The following SNX24 variants were observed in gnomAD, a reference collection of about 807,000 sequenced individuals.
SNX24 encodes sorting nexin 24.
SNX24 carries 22 observed loss-of-function variants against 28.7 expected under a neutral mutation model. The observed-to-expected ratio is 0.77, with a 90% CI of 0.55 to 1.10. The LOEUF (loss-of-function observed/expected upper bound fraction) is 1.10, where lower values mean the gene tolerates loss of function less well. Among genes scored for constraint, SNX24 ranks in the 50% least tolerant of loss-of-function variants. The pLI, the probability that SNX24 is intolerant of heterozygous loss-of-function variation, is 0.00. For missense variants in SNX24, 221 were observed against 201.1 expected (o/e 1.10, Z -0.60); for synonymous variants, 69 against 71.5 (o/e 0.96, Z 0.18).
At chr5:123,010,701 C>T (rs916446625), downstream of SNX24, among the ~76,000 whole-genome samples, 4 of 152,160 alleles carry the variant, frequency 2.6e-5, no homozygotes, top group African/African-American at 9.7e-5. Context: ...TCCCGTTCCA[C>T]AGAAGGGAGT....
At chr5:122,849,802 A>G (rs1754811989) in intron 1 of SNX24, among the ~76,000 whole-genome samples, 2 of 152,326 alleles carry the variant, frequency 1.3e-5, no homozygotes, top group East Asian at 1.9e-4. Context: ...GGTAGTGTCC[A>G]TCTCCACTGT....
At chr5:123,023,838 C>A (rs146229593) in intron 5 of SNX24, 4 of 1,311,194 alleles carry the variant, frequency 3.1e-6, no homozygotes, top group South Asian at 2.5e-5. Flanking sequence ...ACACACACAC[C>A]CCTGCCAAAG....
At chr5:122,902,493 A>G (rs773266218) in intron 1 of SNX24, among the ~76,000 whole-genome samples, 1 of 152,198 alleles carries the variant, frequency 6.6e-6, no homozygotes, top group Admixed American at 6.5e-5. Context: ...TGCAGTTTAT[A>G]TAGCATTTCC....
intron 3 of SNX24, among the ~76,000 whole-genome samples, chr5:122,986,740 A>ATT (rs3032152): frequency 0.19 from 28,107 of 149,392 alleles, 3,318 homozygotes; most frequent in Non-Finnish European, 0.28. Flanking sequence ...CCTCTAAGGG[A>ATT]TTTTTTTTTT....
chr5:122,884,293 C>G (rs1359703257), intron 1 of SNX24, among the ~76,000 whole-genome samples: 1 of 129,660 alleles, frequency 7.7e-6, no homozygotes, highest in Non-Finnish European at 1.5e-5. Context: ...TCGCTGTTGC[C>G]TAGGCTAGAG....
chr5:122,853,169 C>A (rs1755007464), intron 1 of SNX24, among the ~76,000 whole-genome samples: 1 of 129,050 alleles, frequency 7.7e-6, no homozygotes. Flanking sequence ...CTCTGTTGCC[C>A]AGGCTGGAAT....
intron 5 of SNX24, among the ~76,000 whole-genome samples, chr5:123,018,844 G>T (rs888841651): frequency 6.6e-6 from 1 of 152,110 alleles, no homozygotes; most frequent in African/African-American, 2.4e-5. Context: ...CTGCCACCAT[G>T]CCCTGCTAAT....
At chr5:122,991,840 A>G (rs891489754) in intron 3 of SNX24, among the ~76,000 whole-genome samples, 16 of 152,170 alleles carry the variant, frequency 1.1e-4, no homozygotes, top group African/African-American at 3.9e-4. Context: ...AAGTCTTTAT[A>G]TATTTGTAAG....
intron 3 of SNX24, among the ~76,000 whole-genome samples, chr5:122,987,801 T>C (rs1359930808): frequency 6.6e-6 from 1 of 152,184 alleles, no homozygotes; most frequent in Non-Finnish European, 1.5e-5. Flanking sequence ...TGGAACTTAT[T>C]GGCCCACAGA....
At chr5:122,914,003 G>A (rs182140295) in intron 1 of SNX24, among the ~76,000 whole-genome samples, 51 of 152,260 alleles carry the variant, frequency 3.3e-4, no homozygotes, top group African/African-American at 1.2e-3. Flanking sequence ...GCAGGCACTC[G>A]GCAGGCTGAG....
intron 1 of SNX24, among the ~76,000 whole-genome samples, chr5:122,847,518 C>T (rs1375485757): frequency 2.1e-4 from 3 of 13,992 alleles, no homozygotes; most frequent in Non-Finnish European, 2.2e-4. Context: ...TTTTTTGAGA[C>T]AGTCTTCCTC....
At chr5:122,853,570 G>C in intron 1 of SNX24, 1 of 262,330 alleles carries the variant, frequency 3.8e-6, no homozygotes, top group Non-Finnish European at 8.0e-6. Flanking sequence ...TTAGAAATTT[G>C]GGGGCACAAG....
rs577069826 is a variant in SNX24 at position 122,848,867 on chromosome 5, T to G, written c.60+3174T>G. On this transcript the variant is annotated intron_variant, in intron 1 of 6. Coordinates refer to ENST00000261369, the MANE Select transcript of SNX24 (RefSeq NM_014035.4). Reference sequence around the variant, plus strand: ...CTGGGTGTATCTTAGAATTTTTTCCTTGTGCTGTGAGCACATACTTTTTTT... The same window carrying G: ...CTGGGTGTATCTTAGAATTTTTTCCGTGTGCTGTGAGCACATACTTTTTTT... Among the ~76,000 whole-genome samples the G allele has an allele frequency of 5.9e-3, 903 of 152,346 alleles. 5 individuals carry two copies. Among genetic ancestry groups the G allele is most frequent in the Non-Finnish European group, 7.7e-3 (521 of 68,030 alleles).
At chr5:122,997,766 G>A (rs551946396) in intron 3 of SNX24, among the ~76,000 whole-genome samples, 1 of 152,252 alleles carries the variant, frequency 6.6e-6, no homozygotes, top group Admixed American at 6.5e-5. Context: ...TTTTAAGAAG[G>A]TGGGGGTGGA....
At chr5:122,895,135 C>T (rs924721371) in intron 1 of SNX24, among the ~76,000 whole-genome samples, 1 of 151,158 alleles carries the variant, frequency 6.6e-6, no homozygotes, top group Non-Finnish European at 1.5e-5. Context: ...TTAATGTTCA[C>T]TCCTACACAT....
At chr5:122,959,417 A>G (rs1760375584) in intron 3 of SNX24, among the ~76,000 whole-genome samples, 1 of 150,612 alleles carries the variant, frequency 6.6e-6, no homozygotes, top group African/African-American at 2.4e-5. Context: ...TATATTAGAG[A>G]CAAGACAAGG....
At chr5:122,958,199 C>T (rs1232806655) in intron 3 of SNX24, among the ~76,000 whole-genome samples, 1 of 151,888 alleles carries the variant, frequency 6.6e-6, no homozygotes, top group African/African-American at 2.4e-5. Context: ...GTAATTTTGT[C>T]TATTCCAATT....
chr5:122,892,837 C>T (rs920571608), intron 1 of SNX24, among the ~76,000 whole-genome samples: 2 of 151,988 alleles, frequency 1.3e-5, no homozygotes, highest in East Asian at 3.9e-4. Context: ...GGCTCGATCT[C>T]GGCTCACTGC....
chr5:122,907,358 T>A (rs1297865718), intron 1 of SNX24, among the ~76,000 whole-genome samples: 1 of 151,984 alleles, frequency 6.6e-6, no homozygotes, highest in Non-Finnish European at 1.5e-5. Flanking sequence ...GTTGTGAAGG[T>A]AGTGTGGGAA....
Sources: allele counts gnomAD v4.1 joint callset (sites outside exome capture counted in the v4.1 genomes callset), GRCh38; gene constraint gnomAD v4.1.1; transcripts MANE v1.5; gene names NCBI Gene and HGNC (gene_info 2026-07-23, HGNC 2026-07-21).